The following ADAMTS19 variants were observed in gnomAD, a reference collection of about 807,000 sequenced individuals.
ADAMTS19 encodes ADAM metallopeptidase with thrombospondin type 1 motif 19.
In ADAMTS19, 93 loss-of-function variants were observed where a neutral mutation model predicts 153.3. The ratio of observed to expected loss-of-function variants is 0.61; its 90% CI spans 0.51 to 0.72. ADAMTS19 has a LOEUF of 0.72. ADAMTS19 is among the 30% of genes least tolerant of loss of function. The probability of loss-of-function intolerance (pLI) is 0.00; values close to 1 mark genes in which losing one functional copy is unlikely to be tolerated. For missense variants in ADAMTS19, 1,482 were observed against 1,552.1 expected, an observed-to-expected ratio of 0.95 and a Z score of 0.76; for synonymous variants, 600 against 556.6, an observed-to-expected ratio of 1.08 and a Z score of -1.10.
intron 2 of ADAMTS19, among the ~76,000 whole-genome samples, chr5:129,482,398 C>G (rs1023628089): frequency 1.3e-5 from 2 of 152,144 alleles, no homozygotes; most frequent in African/African-American, 4.8e-5. Context: ...TGAATTACCA[C>G]CTTCCTCTTT....
At chr5:129,531,029 A>G (rs9327526) in intron 6 of ADAMTS19, among the ~76,000 whole-genome samples, 1,950 of 152,234 alleles carry the variant, frequency 0.013, 42 homozygotes, top group African/African-American at 0.045. Flanking sequence ...ATTGGAAAAA[A>G]ACTTATAGTG....
At chr5:129,629,281 T>C (rs976120064) in intron 10 of ADAMTS19, among the ~76,000 whole-genome samples, 3 of 152,166 alleles carry the variant, frequency 2.0e-5, no homozygotes, top group Non-Finnish European at 4.4e-5. Flanking sequence ...CATAAAAGCC[T>C]ACCTATGCTA....
chr5:129,616,344 CATA>C (rs950988320), intron 8 of ADAMTS19, among the ~76,000 whole-genome samples: 2 of 151,916 alleles, frequency 1.3e-5, no homozygotes, highest in African/African-American at 4.8e-5. Context: ...AATGTTTCCA[CATA>C]ATATATGGCT....
At chr5:129,663,853 A>T (rs1041420098) in intron 15 of ADAMTS19, among the ~76,000 whole-genome samples, 9 of 152,200 alleles carry the variant, frequency 5.9e-5, no homozygotes, top group African/African-American at 1.9e-4. Context: ...ACTCTCTTAA[A>T]TCTTCTCATT....
intron 10 of ADAMTS19, among the ~76,000 whole-genome samples, chr5:129,641,136 G>A (rs1365761593): frequency 6.6e-6 from 1 of 152,128 alleles, no homozygotes; most frequent in Non-Finnish European, 1.5e-5. Flanking sequence ...TCATATCTAT[G>A]TCTCTGAGCT....
chr5:129,493,749 A>G (rs1463455349), intron 2 of ADAMTS19, among the ~76,000 whole-genome samples: 4 of 152,166 alleles, frequency 2.6e-5, no homozygotes, highest in African/African-American at 9.6e-5. Context: ...TCCTTCAATG[A>G]AGAAATCAGT....
intron 2 of ADAMTS19, among the ~76,000 whole-genome samples, chr5:129,499,565 T>C (rs1751033836): frequency 6.6e-6 from 1 of 152,066 alleles, no homozygotes; most frequent in African/African-American, 2.4e-5. Context: ...TACAAGAAAA[T>C]GAAGAGCAGC....
chr5:129,706,759 A>C (rs967180321), intron 21 of ADAMTS19, among the ~76,000 whole-genome samples: 1 of 152,096 alleles, frequency 6.6e-6, no homozygotes, highest in Non-Finnish European at 1.5e-5. Context: ...GACAAATACT[A>C]TTACTTTTGG....
chr5:129,489,782 T>G (rs1750709915), intron 2 of ADAMTS19, among the ~76,000 whole-genome samples: 1 of 152,108 alleles, frequency 6.6e-6, no homozygotes, highest in African/African-American at 2.4e-5. Flanking sequence ...TCAAGTAACT[T>G]GCTATGTAAC....
intron 2 of ADAMTS19, among the ~76,000 whole-genome samples, chr5:129,505,936 T>C (rs1215254909): frequency 1.3e-5 from 2 of 152,162 alleles, no homozygotes; most frequent in East Asian, 3.8e-4. Context: ...GATAGTGCAT[T>C]GTGTCATATT....
At chr5:129,525,017 G>T (rs1581038063) in intron 3 of ADAMTS19, among the ~76,000 whole-genome samples, 2 of 151,892 alleles carry the variant, frequency 1.3e-5, no homozygotes, top group East Asian at 3.9e-4. Flanking sequence ...ACAGCAGCTG[G>T]CTCCTTTTCA....
intron 10 of ADAMTS19, among the ~76,000 whole-genome samples, chr5:129,638,825 T>C (rs752516199): frequency 2.6e-5 from 4 of 152,136 alleles, no homozygotes; most frequent in Non-Finnish European, 5.9e-5. Context: ...CAGAACATCT[T>C]AATGGAACTA....
Position 129,461,268 on chromosome 5 carries a change from A to T in ADAMTS19, c.258A>T (p.Ser86=). ...GSARAQAAGS[S]REVRSVAPVP... is the part of the protein sequence containing the mutation. The stretch of plus-strand genomic sequence containing the variant: ...CCCGGGCGCAGGCTGCCGGCAGCTC[A>T]CGCGAGGTGCGCTCTGTGGCTCCGG... Residue 86 remains serine (S), a synonymous_variant, in exon 2 of 23, where the codon TCA becomes TCT. Coordinates refer to ENST00000274487, the MANE Select transcript of ADAMTS19 (RefSeq NM_133638.6). This position sits in a 1 kb window ranked among gnomAD's most constrained non-coding sequence, Gnocchi z 4.6. The T allele has an allele frequency of 7.9e-7, 1 of 1,268,894 alleles. No individual in the cohort carries two copies. The highest frequency in any genetic ancestry group is 9.9e-7 in the Non-Finnish European group (1 of 1,013,032). 78.6% of individuals were successfully genotyped at this position (1,268,894 alleles called of 1,614,324 possible).
intron 8 of ADAMTS19, among the ~76,000 whole-genome samples, chr5:129,600,006 A>T (rs1750571509): frequency 1.3e-5 from 2 of 152,192 alleles, no homozygotes; most frequent in South Asian, 4.1e-4. Context: ...TGTCATGTTT[A>T]TAAAAAAACA....
At chr5:129,590,426 A>AATATCC (rs1390301623) in intron 7 of ADAMTS19, among the ~76,000 whole-genome samples, 1 of 152,176 alleles carries the variant, frequency 6.6e-6, no homozygotes, top group Non-Finnish European at 1.5e-5. Context: ...ACAACACTTT[A>AATATCC]ATATCCATAC....
intron 7 of ADAMTS19, among the ~76,000 whole-genome samples, chr5:129,563,816 C>T (rs1753606497): frequency 6.6e-6 from 1 of 152,086 alleles, no homozygotes; most frequent in African/African-American, 2.4e-5. Flanking sequence ...GATTTCTGAC[C>T]TCTAGCTATT....
At chr5:129,716,345 T>C (rs1396548731) in intron 21 of ADAMTS19, among the ~76,000 whole-genome samples, 1 of 151,998 alleles carries the variant, frequency 6.6e-6, no homozygotes, top group African/African-American at 2.4e-5. Context: ...ACTACAGGCA[T>C]GCACCACCAC....
chr5:129,522,881 C>A (rs142415667), intron 3 of ADAMTS19, among the ~76,000 whole-genome samples: 2,123 of 152,056 alleles, frequency 0.014, 38 homozygotes, highest in African/African-American at 0.049. Flanking sequence ...CATGGCGAAA[C>A]CCTGTCTCTA....
At chr5:129,508,969 A>G in intron 2 of ADAMTS19, 108 bp from the exon 3 acceptor site, 1 of 866,130 alleles carries the variant, frequency 1.2e-6, no homozygotes. Context: ...TTTCACTAGA[A>G]GACTGTATGC....
Sources: gnomAD v4.1 joint callset for allele counts (sites outside exome capture counted in the v4.1 genomes callset) on GRCh38, gnomAD v4.1.1 for gene constraint, Gnocchi (gnomAD v3.1) non-coding constraint, MANE v1.5 for transcripts, NCBI Gene and HGNC (gene_info 2026-07-23, HGNC 2026-07-21) for gene names.